Variants in SP100 observed in about 807,000 individuals in gnomAD.
The protein encoded by SP100 is nuclear autoantigen Sp-100.
SP100 carries 84 observed loss-of-function variants against 130.0 expected under a neutral mutation model. The ratio of observed to expected loss-of-function variants is 0.65; its 90% confidence interval spans 0.54 to 0.77. The LOEUF is 0.77. Among genes scored for constraint, SP100 ranks in the 30% least tolerant of loss-of-function variants. SP100 has a pLI of 0.00. For missense variants in SP100, 978 were observed against 1,052.2 expected (o/e 0.93, Z 0.97); for synonymous variants, 331 against 351.7 (o/e 0.94, Z 0.66).
chr2:230,499,616 G>C (rs1378785456), intron 19 of SP100, among the ~76,000 whole-genome samples: 2 of 148,970 alleles, frequency 1.3e-5, no homozygotes, highest in Non-Finnish European at 3.0e-5. Flanking sequence ...TGTTCCCTCA[G>C]TGAGAGTATC....
intron 17 of SP100, among the ~76,000 whole-genome samples, chr2:230,484,572 A>G (rs1380696226): frequency 6.6e-6 from 1 of 152,122 alleles, no homozygotes; most frequent in Non-Finnish European, 1.5e-5. Flanking sequence ...TGGAACTTTT[A>G]CATTTATTTC....
rs189732218 is a variant in SP100 at position 230,501,730 on chromosome 2, G to A, written c.1721-1336G>A. ...ACCAGCCATGGGCACAGAATAATGG[G>A]CACAGACCTTAAGAAAGAGCATCCA... is the stretch of plus-strand genomic sequence containing the variant. On this transcript the variant is annotated intron_variant, in intron 19 of 28. Coordinates refer to ENST00000340126, the MANE Select transcript of SP100 (RefSeq NM_001080391.2). Among the ~76,000 whole-genome samples, 390 of 152,280 alleles carry A rather than the reference G, an allele frequency of 2.6e-3. 1 individual carries two copies. The highest frequency in any genetic ancestry group is 8.6e-3 in the African/African-American group (356 of 41,560).
intron 2 of SP100, among the ~76,000 whole-genome samples, chr2:230,423,588 G>C (rs991671576): frequency 6.6e-6 from 1 of 151,810 alleles, no homozygotes; most frequent in African/African-American, 2.4e-5. Context: ...TTTCTAATAC[G>C]TTGGTTTAAA....
At chr2:230,470,891 C>G (rs2065231832) in intron 15 of SP100, among the ~76,000 whole-genome samples, 2 of 151,422 alleles carry the variant, frequency 1.3e-5, no homozygotes, top group African/African-American at 2.4e-5. Context: ...TATTTAACAA[C>G]CACTGTGTGT....
At chr2:230,442,492 AGAGAAG>A (rs1283851463) in intron 2 of SP100, among the ~76,000 whole-genome samples, 1 of 152,232 alleles carries the variant, frequency 6.6e-6, no homozygotes, top group African/African-American at 2.4e-5. Context: ...GCTACAGATT[AGAGAAG>A]GACATGTTAT....
chr2:230,522,643 C>T (rs1691230345), intron 24 of SP100, among the ~76,000 whole-genome samples: 1 of 151,444 alleles, frequency 6.6e-6, no homozygotes, highest in Admixed American at 6.6e-5. Context: ...TTCACACCAC[C>T]ACGCCCAGCT....
chr2:230,513,123 G>C (rs769366738), intron 24 of SP100, among the ~76,000 whole-genome samples: 7 of 152,206 alleles, frequency 4.6e-5, no homozygotes, highest in South Asian at 2.1e-4. Flanking sequence ...AGTTGGTACA[G>C]GTCCTTATCC....
At chr2:230,522,476 C>CTTTTTTTTTGTTTT (rs1691218241) in intron 24 of SP100, among the ~76,000 whole-genome samples, 1 of 82,138 alleles carries the variant, frequency 1.2e-5, no homozygotes, top group Non-Finnish European at 2.1e-5. Context: ...CCCCAGTGTT[C>CTTTTTTTTTGTTTT]TTTTTTTTTT....
intron 4 of SP100, 113 bp downstream of exon 4, chr2:230,444,459 G>A (rs1336515467): frequency 2.3e-5 from 19 of 821,412 alleles, no homozygotes; most frequent in Non-Finnish European, 3.5e-5. Context: ...GCATAGAGTA[G>A]TTAACAAAAT....
At chr2:230,461,695 C>A (rs2064647020) in intron 9 of SP100, among the ~76,000 whole-genome samples, 1 of 152,038 alleles carries the variant, frequency 6.6e-6, no homozygotes, top group African/African-American at 2.4e-5. Context: ...ATGCCTGTAA[C>A]CCCAGAACTT....
chr2:230,502,032 C>CTTTT (rs34173215), intron 19 of SP100, among the ~76,000 whole-genome samples: 2 of 135,990 alleles, frequency 1.5e-5, no homozygotes, highest in Admixed American at 1.5e-4. Flanking sequence ...CCACACCCAG[C>CTTTT]TTTTTTTTTT....
chr2:230,475,356 C>T (rs569451740), intron 17 of SP100, among the ~76,000 whole-genome samples: 1 of 152,208 alleles, frequency 6.6e-6, no homozygotes, highest in East Asian at 1.9e-4. Flanking sequence ...AGTGTCTGTT[C>T]ATGTCCTTTG....
In SP100 at chr2:230,428,473, C is replaced by T. The variant is rs1443483184; in HGVS notation, c.107+10808C>T. Among the ~76,000 whole-genome samples the T allele has an allele frequency of 2.7e-5, 4 of 149,420 alleles. No individual in the cohort carries two copies. In the East Asian group the frequency reaches 6.0e-4, roughly 22 times the overall value. ...TTTTTTTTTTTTTGAGACGGAGTCT[C>T]GCTCTGTCGCCCAGGCTGGAGTGCG... On this transcript the variant is annotated intron_variant, in intron 2 of 28. Coordinates refer to ENST00000340126, the MANE Select transcript of SP100 (RefSeq NM_001080391.2).
At chr2:230,484,784 A>G (rs569211942) in intron 17 of SP100, among the ~76,000 whole-genome samples, 3 of 152,200 alleles carry the variant, frequency 2.0e-5, no homozygotes, top group Admixed American at 6.5e-5. Flanking sequence ...GTATATTTTT[A>G]ATTGCTTCCC....
At position 230,539,341 on chromosome 2, in the gene SP100, C is replaced by A. The variant is rs747743545; in HGVS notation, c.2169C>A (p.Ser723=). 6 of 1,613,918 alleles carry A rather than the reference C, an allele frequency of 3.7e-6. No homozygotes were observed. In the East Asian group the frequency reaches 1.3e-4, roughly 36 times the overall value. Residue 723 remains serine (S), a synonymous_variant, in exon 25 of 29, where the codon TCC becomes TCA. Coordinates refer to ENST00000340126, the MANE Select transcript of SP100 (RefSeq NM_001080391.2). ...TCTGCTGCGACACTTGTCCAAGATCCTTTCATGAGCACTGCCACATCCCAT... is the reference window on the plus strand; with the variant it reads ...TCTGCTGCGACACTTGTCCAAGATCATTTCATGAGCACTGCCACATCCCAT... ...RLFCCDTCPR[S]FHEHCHIPSV...
chr2:230,523,571 T>C (rs759330437), intron 24 of SP100, among the ~76,000 whole-genome samples: 1 of 152,164 alleles, frequency 6.6e-6, no homozygotes, highest in Non-Finnish European at 1.5e-5. Flanking sequence ...TTCAAGTTCA[T>C]ATGACTTAAG....
At chr2:230,421,573 A>G (rs1312219259) in intron 2 of SP100, among the ~76,000 whole-genome samples, 1 of 149,880 alleles carries the variant, frequency 6.7e-6, no homozygotes, top group East Asian at 1.9e-4. Context: ...ATATATATAA[A>G]TTGTACATGT....
chr2:230,469,049 T>C lies in SP100; in HGVS notation c.1298T>C (p.Met433Thr). 6.3e-7 allele frequency: 1 copy of C among 1,590,978 alleles called. No homozygotes were observed. Among genetic ancestry groups the C allele is most frequent in the African/African-American group, 1.3e-5 (1 of 74,468 alleles). The change falls in exon 14 of 29, where the codon ATG (methionine) becomes ACG (threonine). Residue 433 changes from methionine (M) to threonine (T), a missense_variant. Met to Thr is a moderately conservative substitution (Grantham distance 81). Coordinates refer to ENST00000340126, the MANE Select transcript of SP100 (RefSeq NM_001080391.2). ...LRSKHGEKAP[M>T]TSRSTSTWRI... ...GTTTTCCTTTACTTTCTAGCTCCTA[T>C]GACTTCTAGAAGTACATCTACTTGG... is the stretch of plus-strand genomic sequence containing the variant.
At chr2:230,528,527 C>T (rs1575809268) in intron 24 of SP100, among the ~76,000 whole-genome samples, 1 of 102,710 alleles carries the variant, frequency 9.7e-6, no homozygotes, top group African/African-American at 4.9e-5. Flanking sequence ...ACTAGAGAAG[C>T]AAGAGAAAAC....
Sources: gnomAD v4.1 joint callset for allele counts (sites outside exome capture counted in the v4.1 genomes callset) on GRCh38, gnomAD v4.1.1 for gene constraint, MANE v1.5 for transcripts, NCBI Gene and HGNC (gene_info 2026-07-23, HGNC 2026-07-21) for gene names.